Variants in SPTLC2 observed in about 807,000 individuals in gnomAD.
The protein encoded by SPTLC2 is serine palmitoyltransferase long chain base subunit 2, also known as serine palmitoyltransferase 2.
A neutral mutation model predicts 62.0 loss-of-function variants in SPTLC2; 21 were observed. The observed-to-expected ratio is 0.34, with a 90% confidence interval of 0.24 to 0.49. SPTLC2 has a LOEUF of 0.49. Ranked by LOEUF, SPTLC2 falls within the 20% of genes least tolerant of loss-of-function variation. The pLI is 0.99. For synonymous variants in SPTLC2, 261 were observed against 261.8 expected (o/e 1.00, Z 0.03); for missense variants, 511 against 713.0 (o/e 0.72, Z 3.23).
intron 5 of SPTLC2, among the ~76,000 whole-genome samples, chr14:77,566,195 C>A (rs946046614): frequency 7.0e-6 from 1 of 142,204 alleles, no homozygotes; most frequent in African/African-American, 2.6e-5. Flanking sequence ...CTTTTTTAGA[C>A]AGCCTTATTC....
At chr14:77,536,325 A>T (rs76502713) in intron 9 of SPTLC2, among the ~76,000 whole-genome samples, 3,252 of 152,184 alleles carry the variant, frequency 0.021, 97 homozygotes, top group African/African-American at 0.074. Flanking sequence ...TAAATTTATT[A>T]TAGGTGACAC....
chr14:77,606,402 T>TGTGA (rs1413778391), intron 1 of SPTLC2, among the ~76,000 whole-genome samples: 2 of 151,910 alleles, frequency 1.3e-5, no homozygotes, highest in Non-Finnish European at 2.9e-5. Context: ...TGTGTGTGTG[T>TGTGA]GTACAGAATA....
intron 1 of SPTLC2, among the ~76,000 whole-genome samples, chr14:77,614,699 G>A (rs908934864): frequency 6.8e-5 from 10 of 146,756 alleles, no homozygotes; most frequent in African/African-American, 1.0e-4. Flanking sequence ...ATCATACCTC[G>A]GCCTGGTGCG....
chr14:77,516,663 T>C (rs1213108175), intron 11 of SPTLC2, among the ~76,000 whole-genome samples: 1 of 152,114 alleles, frequency 6.6e-6, no homozygotes, highest in African/African-American at 2.4e-5. Flanking sequence ...TATCAAAAAG[T>C]TGAATCTAAT....
rs767182140 is a variant in SPTLC2, at chr14:77,562,486, A to G, written c.760T>C (p.Cys254Arg). The G allele has an allele frequency of 6.2e-6, 10 of 1,613,902 alleles. No homozygotes were observed. The highest frequency in any genetic ancestry group is 1.3e-5 in the African/African-American group (1 of 75,068). The change falls in exon 6 of 12, where the codon TGC becomes CGC. Residue 254 changes from cysteine (C) to arginine (R), a missense_variant. Cys to Arg is a radical substitution (Grantham distance 180, BLOSUM62 -3). Coordinates refer to ENST00000216484, the MANE Select transcript of SPTLC2 (RefSeq NM_004863.4). ...TTCAGTTCATCACTCAGAATCAGGC[A>G]ACCCTGCAACATCACAGGAACAGAA... Reference protein sequence around the residue: ...MNIPALVGKGCLILSDELNHA... With the variant: ...MNIPALVGKGRLILSDELNHA...
At position 77,570,222 on chromosome 14, in the gene SPTLC2, CA is replaced by C. The variant is rs35086251; in HGVS notation, c.756+161del. Among the ~76,000 whole-genome samples, 60,514 of 110,880 alleles carry C rather than the reference CA, an allele frequency of 0.55. 15,066 individuals carry two copies. Among genetic ancestry groups the C allele is most frequent in the East Asian group, 0.85 (2,995 of 3,512 alleles). 72.7% of individuals were successfully genotyped at this position (110,880 alleles called of 152,430 possible). A position where few individuals can be genotyped will look rare whatever the true frequency, so the allele number is the denominator to read the frequency against. On this transcript the variant is annotated intron_variant, in intron 5 of 11. Coordinates refer to ENST00000216484, the MANE Select transcript of SPTLC2 (RefSeq NM_004863.4). ...TGGGCGAAAGAACAAGACTCCATCT[CA>C]AAAAAAAAAAAAAAAAAGAAAAACA...
intron 8 of SPTLC2, among the ~76,000 whole-genome samples, chr14:77,553,751 T>G (rs1208400403): frequency 1.2e-5 from 1 of 84,402 alleles, no homozygotes; most frequent in Non-Finnish European, 2.7e-5. Flanking sequence ...AAAAAAAAAA[T>G]CTATCAAAGC....
At chr14:77,605,713 A>G (rs1012548428) in intron 1 of SPTLC2, among the ~76,000 whole-genome samples, 3 of 152,254 alleles carry the variant, frequency 2.0e-5, no homozygotes, top group Non-Finnish European at 2.9e-5. Context: ...ACTAAATTTC[A>G]TAACAGCCCT....
At chr14:77,524,439 TAAAAA>T (rs58888508) in intron 9 of SPTLC2, among the ~76,000 whole-genome samples, 1 of 133,950 alleles carries the variant, frequency 7.5e-6, no homozygotes, top group African/African-American at 2.7e-5. Context: ...TAGCCTCTGT[TAAAAA>T]AAAAAAAAAA....
intron 9 of SPTLC2, among the ~76,000 whole-genome samples, chr14:77,522,296 G>A (rs1403238735): frequency 1.3e-5 from 2 of 151,922 alleles, no homozygotes; most frequent in African/African-American, 4.8e-5. Flanking sequence ...CCTGATAGCT[G>A]GGGTTACGGG....
At chr14:77,563,255 A>G in intron 5 of SPTLC2, among the ~76,000 whole-genome samples, 1 of 152,196 alleles carries the variant, frequency 6.6e-6, no homozygotes, top group Non-Finnish European at 1.5e-5. Context: ...AATAAAAAGA[A>G]GAGAGAAGAT....
intron 3 of SPTLC2, among the ~76,000 whole-genome samples, chr14:77,578,253 A>G (rs532086644): frequency 5.6e-4 from 85 of 152,304 alleles, no homozygotes; most frequent in African/African-American, 2.0e-3. Flanking sequence ...TCATCCTTAA[A>G]TCATTTGAGA....
intron 9 of SPTLC2, among the ~76,000 whole-genome samples, chr14:77,551,729 A>G (rs563636352): frequency 6.6e-6 from 1 of 152,378 alleles, no homozygotes; most frequent in East Asian, 1.9e-4. Flanking sequence ...ATACTAATTT[A>G]TGAAAACAGC....
chr14:77,554,039 A>G (rs985445790), intron 8 of SPTLC2, among the ~76,000 whole-genome samples: 1 of 152,080 alleles, frequency 6.6e-6, no homozygotes, highest in Non-Finnish European at 1.5e-5. Flanking sequence ...GCTGGTATTG[A>G]ACTCCTGGGC....
At chr14:77,594,927 A>T (rs1244140494) in intron 2 of SPTLC2, among the ~76,000 whole-genome samples, 1 of 152,218 alleles carries the variant, frequency 6.6e-6, no homozygotes, top group African/African-American at 2.4e-5. Context: ...TAGTAGGAGG[A>T]TACAGGCCTG....
chr14:77,588,370 T>C (rs1332696138), intron 2 of SPTLC2, among the ~76,000 whole-genome samples: 1 of 151,328 alleles, frequency 6.6e-6, no homozygotes, highest in East Asian at 1.9e-4. Context: ...CCTGAGGAAG[T>C]GTTGAAAATG....
chr14:77,576,647 C>G, intron 4 of SPTLC2, 120 bp downstream of exon 4: 1 of 1,389,140 alleles, frequency 7.2e-7, no homozygotes, highest in Non-Finnish European at 1.0e-6. Flanking sequence ...CATTCTTCAC[C>G]TTATCTAAAT....
chr14:77,550,846 G>C (rs2079551685), intron 9 of SPTLC2, among the ~76,000 whole-genome samples: 1 of 151,118 alleles, frequency 6.6e-6, no homozygotes, highest in South Asian at 2.1e-4. Flanking sequence ...GGAGGTTGCT[G>C]TGAGCTGAGA....
intron 1 of SPTLC2, among the ~76,000 whole-genome samples, chr14:77,601,634 A>C (rs1422687606): frequency 6.6e-6 from 1 of 152,004 alleles, no homozygotes; most frequent in African/African-American, 2.4e-5. Context: ...CCCTGTCCTC[A>C]TCCTCACTTC....
Sources: gnomAD v4.1 joint callset for allele counts (sites outside exome capture counted in the v4.1 genomes callset) on GRCh38, gnomAD v4.1.1 for gene constraint, MANE v1.5 for transcripts, NCBI Gene and HGNC (gene_info 2026-07-23, HGNC 2026-07-21) for gene names.